TRIM9: variants seen among roughly 807,000 people sequenced by gnomAD.
TRIM9 encodes the protein E3 ubiquitin-protein ligase TRIM9.
TRIM9 carries 26 observed loss-of-function variants against 78.3 expected under a neutral mutation model. The ratio of observed to expected loss-of-function variants is 0.33; its 90% CI spans 0.24 to 0.46. TRIM9 has a LOEUF of 0.46. Among genes scored for constraint, TRIM9 ranks in the 20% least tolerant of loss-of-function variants. TRIM9 has a pLI of 1.00. For synonymous variants in TRIM9, 398 were observed against 416.5 expected (o/e 0.96, Z 0.54); for missense variants, 787 against 1,036.4 (o/e 0.76, Z 3.30).
intron 6 of TRIM9, among the ~76,000 whole-genome samples, chr14:50,998,737 A>G (rs1300685861): frequency 2.6e-5 from 4 of 152,246 alleles, no homozygotes; most frequent in African/African-American, 9.6e-5. Context: ...ATCACAGTAC[A>G]GAGGGAAGGG....
chr14:51,083,301 G>A lies in TRIM9; in HGVS notation c.822+10817C>T, dbSNP rs376644342. ...AGGGTCTCACTTTGTCACCCAGGCT[G>A]CATGCATTGGTGTAATCATGGCTCA... On this transcript the variant is annotated intron_variant, in intron 1 of 12. Coordinates refer to ENST00000684578, the MANE Select transcript of TRIM9 (RefSeq NM_001387360.1). 3.9e-5 allele frequency among the ~76,000 whole-genome samples: 6 copies of A among 152,116 alleles called. No homozygotes were observed. The East Asian group carries it at 1.2e-3, about 29-fold the overall frequency.
At chr14:51,075,023 T>A (rs2062636421) in intron 1 of TRIM9, among the ~76,000 whole-genome samples, 1 of 152,206 alleles carries the variant, frequency 6.6e-6, no homozygotes, top group African/African-American at 2.4e-5. Context: ...CCAAAGAGAC[T>A]CTTGTCAGGA....
At chr14:51,071,541 T>A (rs529199728) in intron 1 of TRIM9, among the ~76,000 whole-genome samples, 1 of 152,214 alleles carries the variant, frequency 6.6e-6, no homozygotes, top group South Asian at 2.1e-4. Context: ...GGTTTACACC[T>A]GTAATCCCAC....
intron 3 of TRIM9, among the ~76,000 whole-genome samples, chr14:51,012,578 A>G (rs1011166171): frequency 6.6e-6 from 1 of 152,218 alleles, no homozygotes; most frequent in Non-Finnish European, 1.5e-5. Flanking sequence ...TATACCCAGA[A>G]GTGGAGTTGC....
chr14:51,031,784 C>G (rs1388092389), intron 1 of TRIM9, among the ~76,000 whole-genome samples: 1 of 152,220 alleles, frequency 6.6e-6, no homozygotes, highest in African/African-American at 2.4e-5. Context: ...GCAGGGCAAT[C>G]TCTGGGCAAT....
At chr14:51,052,754 G>C (rs143023201) in intron 1 of TRIM9, among the ~76,000 whole-genome samples, 5 of 152,116 alleles carry the variant, frequency 3.3e-5, no homozygotes, top group Admixed American at 6.6e-5. Context: ...AGACACAGAC[G>C]TCATTGCCCA....
chr14:50,997,892 C>A, intron 7 of TRIM9, 158 bp downstream of exon 7: 2 of 1,465,614 alleles, frequency 1.4e-6, no homozygotes, highest in Non-Finnish European at 1.8e-6. Flanking sequence ...CATAGGCTCT[C>A]TAAAGGCAGG....
intron 3 of TRIM9, among the ~76,000 whole-genome samples, chr14:51,013,892 T>C (rs2056858604): frequency 6.6e-6 from 1 of 152,236 alleles, no homozygotes; most frequent in East Asian, 1.9e-4. Context: ...CCCTCTGCTG[T>C]ATGAGGCTGA....
intron 1 of TRIM9, among the ~76,000 whole-genome samples, chr14:51,087,190 CTG>C (rs1479036804): frequency 6.6e-6 from 1 of 151,772 alleles, no homozygotes; most frequent in Non-Finnish European, 1.5e-5. Flanking sequence ...GTCTAAGAAA[CTG>C]GGGGAGGGCA....
chr14:51,038,233 G>A (rs1049078492), intron 1 of TRIM9, among the ~76,000 whole-genome samples: 1 of 152,150 alleles, frequency 6.6e-6, no homozygotes, highest in African/African-American at 2.4e-5. Context: ...TCAGAGAGAA[G>A]CCACATTGCT....
intron 1 of TRIM9, among the ~76,000 whole-genome samples, chr14:51,034,923 G>A (rs1435929920): frequency 6.6e-6 from 1 of 152,150 alleles, no homozygotes; most frequent in African/African-American, 2.4e-5. Context: ...TTGCTGGGTT[G>A]TATAAAGCCT....
intron 5 of TRIM9, among the ~76,000 whole-genome samples, chr14:51,007,185 A>T (rs2055921795): frequency 6.6e-6 from 1 of 152,028 alleles, no homozygotes; most frequent in Non-Finnish European, 1.5e-5. Flanking sequence ...CTTTCACCAA[A>T]AGCCTTTCTA....
At chr14:50,993,751 CTCTT>C (rs538180718) in intron 7 of TRIM9, among the ~76,000 whole-genome samples, 78 of 152,288 alleles carry the variant, frequency 5.1e-4, no homozygotes, top group African/African-American at 1.8e-3. Context: ...AGTTTTCCCT[CTCTT>C]TCTTTCCATT....
At chr14:51,009,810 T>A (rs1166127421) in intron 4 of TRIM9, among the ~76,000 whole-genome samples, 1 of 152,240 alleles carries the variant, frequency 6.6e-6, no homozygotes, top group Non-Finnish European at 1.5e-5. Context: ...GGAAGAGATC[T>A]ACATGTTCCT....
intron 7 of TRIM9, 155 bp from the exon 8 acceptor site, chr14:50,986,299 G>T: frequency 1.8e-6 from 1 of 561,608 alleles, no homozygotes; most frequent in Non-Finnish European, 2.7e-6. Flanking sequence ...AATGTGCCTG[G>T]GGGCAGGGAG....
At chr14:51,000,624 G>C in intron 6 of TRIM9, 59 bp downstream of exon 6, 1 of 1,597,208 alleles carries the variant, frequency 6.3e-7, no homozygotes, top group African/African-American at 1.3e-5. Flanking sequence ...CTCCCTGGCA[G>C]GTCCTCTGAC....
chr14:51,010,967 C>T, intron 3 of TRIM9, among the ~76,000 whole-genome samples: 1 of 152,152 alleles, frequency 6.6e-6, no homozygotes, highest in East Asian at 1.9e-4. Flanking sequence ...CAGTTCCTTT[C>T]CCTTCCTGCC....
intron 3 of TRIM9, among the ~76,000 whole-genome samples, chr14:51,016,106 A>G (rs2057159696): frequency 6.6e-6 from 1 of 152,200 alleles, no homozygotes; most frequent in African/African-American, 2.4e-5. Flanking sequence ...ATAAAATGGC[A>G]TGGTACTGGC....
chr14:51,030,133 T>C (rs954967903), intron 1 of TRIM9, among the ~76,000 whole-genome samples: 2 of 152,210 alleles, frequency 1.3e-5, no homozygotes, highest in Non-Finnish European at 2.9e-5. Flanking sequence ...GGAAGAAGCT[T>C]TGGATTCAGG....
Sources: gnomAD v4.1 joint callset for allele counts (sites outside exome capture counted in the v4.1 genomes callset) on GRCh38, gnomAD v4.1.1 for gene constraint, MANE v1.5 for transcripts, NCBI Gene and HGNC (gene_info 2026-07-23, HGNC 2026-07-21) for gene names.